ZFHX3: variants seen among roughly 807,000 people sequenced by gnomAD.
ZFHX3 encodes the protein zinc finger homeobox protein 3.
ZFHX3 carries 42 observed loss-of-function variants against 279.1 expected under a neutral mutation model. The ratio of observed to expected loss-of-function variants is 0.15; its 90% CI spans 0.12 to 0.19. The LOEUF is 0.19. Among genes scored for constraint, ZFHX3 ranks in the 10% least tolerant of loss-of-function variants. The pLI is 1.00. For synonymous variants in ZFHX3, 2,293 were observed against 1,957.8 expected, an observed-to-expected ratio of 1.17 and a Z score of -4.52; for missense variants, 4,981 against 4,754.0, an observed-to-expected ratio of 1.05 and a Z score of -1.40.
intron 4 of ZFHX3, among the ~76,000 whole-genome samples, chr16:73,260,690 T>C (rs1280028077): frequency 5.4e-5 from 7 of 129,568 alleles, no homozygotes; most frequent in African/African-American, 1.8e-4. Flanking sequence ...GTTTTTTTTT[T>C]TTTTTTTTTT....
intron 3 of ZFHX3, among the ~76,000 whole-genome samples, chr16:73,394,174 T>C (rs1356633781): frequency 6.6e-6 from 1 of 150,738 alleles, no homozygotes; most frequent in Non-Finnish European, 1.5e-5. Context: ...GTCTCAACCT[T>C]CTAACAGATA....
chr16:73,302,244 C>T (rs1008439278), intron 4 of ZFHX3, among the ~76,000 whole-genome samples: 2 of 151,754 alleles, frequency 1.3e-5, no homozygotes, highest in Admixed American at 6.6e-5. Flanking sequence ...CCCTTCCTCC[C>T]TTCTCTTTCT....
intron 1 of ZFHX3, among the ~76,000 whole-genome samples, chr16:73,805,998 C>A (rs1341441201): frequency 6.6e-6 from 1 of 152,186 alleles, no homozygotes; most frequent in Non-Finnish European, 1.5e-5. Flanking sequence ...ACTCACAGTT[C>A]CATATGGCTC....
At chr16:73,209,348 A>T (rs2011924914) in intron 5 of ZFHX3, among the ~76,000 whole-genome samples, 1 of 152,208 alleles carries the variant, frequency 6.6e-6, no homozygotes. Flanking sequence ...TATGAACAAT[A>T]GAATTTTTCC....
At chr16:73,314,349 G>A (rs1343769918) in intron 4 of ZFHX3, among the ~76,000 whole-genome samples, 1 of 152,120 alleles carries the variant, frequency 6.6e-6, no homozygotes, top group Non-Finnish European at 1.5e-5. Context: ...AGTTCCTTAC[G>A]ATAATTCTCC....
chr16:72,998,235 T>C (rs886406201), intron 1 of ZFHX3, among the ~76,000 whole-genome samples: 1 of 152,056 alleles, frequency 6.6e-6, no homozygotes, highest in African/African-American at 2.4e-5. Context: ...ACCCCATCTC[T>C]ACTAAAAATA....
chr16:73,519,459 C>T (rs1354012391), intron 2 of ZFHX3, among the ~76,000 whole-genome samples: 4 of 151,722 alleles, frequency 2.6e-5, no homozygotes, highest in Non-Finnish European at 5.9e-5. Flanking sequence ...CCCATTCTTC[C>T]CTACCTTGGG....
At chr16:73,358,394 C>A (rs537820130) in intron 3 of ZFHX3, among the ~76,000 whole-genome samples, 6 of 152,324 alleles carry the variant, frequency 3.9e-5, no homozygotes, top group South Asian at 2.1e-4. Flanking sequence ...TGGCTACTGG[C>A]GGGAAACCGA....
chr16:73,045,386 C>T (rs976667550), intron 1 of ZFHX3, among the ~76,000 whole-genome samples: 53 of 152,166 alleles, frequency 3.5e-4, no homozygotes, highest in Non-Finnish European at 6.6e-4. Context: ...AACTAAATCT[C>T]GCTTATTTTA....
At chr16:72,887,753 G>A (rs556084290) in intron 4 of ZFHX3, among the ~76,000 whole-genome samples, 1 of 151,876 alleles carries the variant, frequency 6.6e-6, no homozygotes, top group Non-Finnish European at 1.5e-5. Context: ...TGGCTTGTGT[G>A]GGTGTGTGAG....
At chr16:73,217,920 A>C (rs1040026701) in intron 5 of ZFHX3, among the ~76,000 whole-genome samples, 9 of 152,154 alleles carry the variant, frequency 5.9e-5, no homozygotes, top group Admixed American at 1.3e-4. Flanking sequence ...TAACCTGCAG[A>C]CACCAGGATT....
chr16:73,644,562 G>A (rs747185893), intron 2 of ZFHX3, among the ~76,000 whole-genome samples: 17 of 152,190 alleles, frequency 1.1e-4, no homozygotes, highest in East Asian at 1.9e-4. Flanking sequence ...CCCAGAGGCT[G>A]AGGTAGGAAA....
At chr16:73,478,871 T>G (rs1319504395) in intron 2 of ZFHX3, among the ~76,000 whole-genome samples, 1 of 152,056 alleles carries the variant, frequency 6.6e-6, no homozygotes, top group Non-Finnish European at 1.5e-5. Context: ...GCCAGCATGG[T>G]GAAACCCTGT....
rs1567503547 is a variant in ZFHX3 at position 72,786,586 on chromosome 16, A to C, written c.*578T>G. 1.4e-5 allele frequency: 2 copies of C among 138,310 alleles called. No individual in the cohort carries two copies. Among genetic ancestry groups the C allele is most frequent in the Non-Finnish European group, 3.3e-5 (2 of 61,500 alleles). 8.6% of individuals were successfully genotyped at this position (138,310 alleles called of 1,614,324 possible). The stretch of plus-strand genomic sequence containing the variant: ...AAAACAAAAAATCTTTTCTGGAACA[A>C]AAAAAAAAAAAAAAACTGAAAAAAC... On this transcript the variant is annotated 3_prime_UTR_variant, in exon 10 of 10. Coordinates refer to ENST00000268489, the MANE Select transcript of ZFHX3 (RefSeq NM_006885.4).
intron 5 of ZFHX3, among the ~76,000 whole-genome samples, chr16:73,188,908 G>C (rs1169186375): frequency 2.7e-5 from 4 of 150,574 alleles, no homozygotes; most frequent in Admixed American, 2.6e-4. Flanking sequence ...CTTTTGCCCA[G>C]GCTGGAGTGC....
At chr16:73,765,700 T>C (rs917901371) in intron 1 of ZFHX3, among the ~76,000 whole-genome samples, 1 of 152,214 alleles carries the variant, frequency 6.6e-6, no homozygotes, top group South Asian at 2.1e-4. Context: ...AATTCTTTGC[T>C]CCACACAGAA....
intron 4 of ZFHX3, among the ~76,000 whole-genome samples, chr16:73,272,877 G>T (rs1441154744): frequency 6.6e-6 from 1 of 152,062 alleles, no homozygotes; most frequent in Non-Finnish European, 1.5e-5. Flanking sequence ...CTCCTACATA[G>T]CTGGGACTAC....
chr16:73,846,669 C>T (rs1961456299), intron 1 of ZFHX3, among the ~76,000 whole-genome samples: 2 of 152,184 alleles, frequency 1.3e-5, no homozygotes, highest in South Asian at 2.1e-4. Flanking sequence ...TTGCTACTTA[C>T]TTGTGCATGA....
intron 7 of ZFHX3, among the ~76,000 whole-genome samples, chr16:73,123,878 A>G (rs935578838): frequency 6.6e-6 from 1 of 152,156 alleles, no homozygotes; most frequent in Non-Finnish European, 1.5e-5. Flanking sequence ...AGAAGATGCC[A>G]TTTATGAGGA....
Sources: allele counts gnomAD v4.1 joint callset (sites outside exome capture counted in the v4.1 genomes callset), GRCh38; gene constraint gnomAD v4.1.1; transcripts MANE v1.5; gene names NCBI Gene and HGNC (gene_info 2026-07-23, HGNC 2026-07-21).